Variants in CREB5 observed in about 807,000 individuals in gnomAD.
The protein encoded by CREB5 is cyclic AMP-responsive element-binding protein 5.
A neutral mutation model predicts 57.1 loss-of-function variants in CREB5; 19 were observed. That is an observed-to-expected ratio of 0.33 (90% confidence interval 0.23 to 0.49). The LOEUF is 0.49. Ranked by LOEUF, CREB5 falls within the 20% of genes least tolerant of loss-of-function variation. The probability of loss-of-function intolerance (pLI) is 0.99; values close to 1 mark genes in which losing one functional copy is unlikely to be tolerated. For synonymous variants in CREB5, 238 were observed against 238.3 expected (o/e 1.00, Z 0.01); for missense variants, 579 against 671.6 (o/e 0.86, Z 1.52).
chr7:28,716,051 A>T (rs537222588), intron 5 of CREB5, among the ~76,000 whole-genome samples: 1 of 152,308 alleles, frequency 6.6e-6, no homozygotes, highest in South Asian at 2.1e-4. Context: ...CCATGGTTTC[A>T]GGAAGAATAA....
intron 5 of CREB5, among the ~76,000 whole-genome samples, chr7:28,714,057 C>T (rs1201656277): frequency 6.6e-6 from 1 of 152,004 alleles, no homozygotes; most frequent in East Asian, 1.9e-4. Flanking sequence ...CGGCTCACTG[C>T]CACCTCCACC....
chr7:28,800,788 G>A (rs1373409834), intron 7 of CREB5, among the ~76,000 whole-genome samples: 1 of 152,126 alleles, frequency 6.6e-6, no homozygotes, highest in Non-Finnish European at 1.5e-5. Flanking sequence ...CGGCAATAAC[G>A]TCTCCTCTTG....
At chr7:28,640,580 A>G (rs188513879) in intron 5 of CREB5, among the ~76,000 whole-genome samples, 1 of 152,208 alleles carries the variant, frequency 6.6e-6, no homozygotes, top group African/African-American at 2.4e-5. Flanking sequence ...TTTTATGGCG[A>G]TCACAAGAAA....
chr7:28,728,303 G>T (rs909008548), intron 7 of CREB5, among the ~76,000 whole-genome samples: 2 of 152,144 alleles, frequency 1.3e-5, no homozygotes. Context: ...CTGGCCCAGT[G>T]ACACAACACT....
chr7:28,469,426 T>C (rs887493359), intron 1 of CREB5, among the ~76,000 whole-genome samples: 5 of 152,126 alleles, frequency 3.3e-5, no homozygotes, highest in Admixed American at 1.3e-4. Context: ...TGCTGGGTAG[T>C]CCTGAAATTA....
At chr7:28,530,218 A>G (rs1793661225) in intron 4 of CREB5, among the ~76,000 whole-genome samples, 1 of 151,900 alleles carries the variant, frequency 6.6e-6, no homozygotes, top group Admixed American at 6.6e-5. Flanking sequence ...CTCCGGATCC[A>G]GGCTTCTGAT....
At chr7:28,693,282 C>T (rs771002918) in intron 5 of CREB5, among the ~76,000 whole-genome samples, 62 of 152,290 alleles carry the variant, frequency 4.1e-4, no homozygotes, top group Non-Finnish European at 5.7e-4. Flanking sequence ...CTCGTCTTAA[C>T]GGGAAAATAG....
At chr7:28,521,455 G>A (rs1793205665) in intron 4 of CREB5, among the ~76,000 whole-genome samples, 1 of 152,140 alleles carries the variant, frequency 6.6e-6, no homozygotes, top group South Asian at 2.1e-4. Flanking sequence ...TTGGAGCTCC[G>A]ACTCTGAGCC....
intron 7 of CREB5, among the ~76,000 whole-genome samples, chr7:28,767,559 A>G (rs886842905): frequency 6.6e-6 from 1 of 152,242 alleles, no homozygotes; most frequent in Non-Finnish European, 1.5e-5. Flanking sequence ...AGTTTCCAAG[A>G]TGAATCAGGG....
At chr7:28,577,246 T>C (rs1795941783) in intron 5 of CREB5, among the ~76,000 whole-genome samples, 1 of 152,254 alleles carries the variant, frequency 6.6e-6, no homozygotes, top group South Asian at 2.1e-4. Context: ...GCCTCTTTTC[T>C]GTCTCAAATT....
intron 7 of CREB5, among the ~76,000 whole-genome samples, chr7:28,788,502 C>T (rs1807466250): frequency 1.3e-5 from 2 of 152,234 alleles, no homozygotes; most frequent in Non-Finnish European, 2.9e-5. Context: ...TCCCTTTAAT[C>T]TATCATGTTA....
chr7:28,587,418 TGA>T (rs1347241025), intron 5 of CREB5, among the ~76,000 whole-genome samples: 1 of 152,072 alleles, frequency 6.6e-6, no homozygotes, highest in Non-Finnish European at 1.5e-5. Flanking sequence ...ATTGATGCTG[TGA>T]GTCATCAGTG....
intron 7 of CREB5, among the ~76,000 whole-genome samples, chr7:28,785,967 C>T (rs149042519): frequency 6.6e-6 from 1 of 152,256 alleles, no homozygotes; most frequent in Admixed American, 6.5e-5. Context: ...AACGTGGTCA[C>T]GTGTCATCGT....
chr7:28,546,448 C>A (rs540859423), intron 4 of CREB5, among the ~76,000 whole-genome samples: 2 of 152,240 alleles, frequency 1.3e-5, no homozygotes, highest in African/African-American at 4.8e-5. Context: ...CTATGTTTAG[C>A]TCTTTGTAGA....
chr7:28,330,668 T>C (rs1785699541), intron 1 of CREB5, among the ~76,000 whole-genome samples: 1 of 151,222 alleles, frequency 6.6e-6, no homozygotes, highest in African/African-American at 2.4e-5. Context: ...GTCTCCCAGC[T>C]GAAGGGCAGG....
At chr7:28,695,124 G>A (rs1294689662) in intron 5 of CREB5, among the ~76,000 whole-genome samples, 1 of 152,176 alleles carries the variant, frequency 6.6e-6, no homozygotes, top group East Asian at 1.9e-4. Context: ...CCACTTGGGA[G>A]ACTGAAGCAG....
chr7:28,809,049 C>T (rs547994902), intron 8 of CREB5, 138 bp from the exon 9 acceptor site: 1 of 692,450 alleles, frequency 1.4e-6, no homozygotes, highest in East Asian at 2.7e-5. Context: ...CTGTTTCATT[C>T]ATAGGAGGCA....
intron 5 of CREB5, among the ~76,000 whole-genome samples, chr7:28,657,738 A>AAAAAAAAAAAAAAAAT (rs1554281277): frequency 7.2e-6 from 1 of 139,818 alleles, no homozygotes; most frequent in Admixed American, 7.2e-5. Context: ...AAAAAAAAAA[A>AAAAAAAAAAAAAAAAT]GAATAAAATT....
chr7:28,703,472 G>T (rs554625025), intron 5 of CREB5, among the ~76,000 whole-genome samples: 4 of 152,174 alleles, frequency 2.6e-5, no homozygotes, highest in African/African-American at 7.2e-5. Context: ...AAGAGAGAGA[G>T]ATATATGGTT....
Sources: allele counts gnomAD v4.1 joint callset (sites outside exome capture counted in the v4.1 genomes callset), GRCh38; gene constraint gnomAD v4.1.1; transcripts MANE v1.5; gene names NCBI Gene and HGNC (gene_info 2026-07-23, HGNC 2026-07-21).